The following ALOX15 variants were observed in gnomAD, a reference collection of about 807,000 sequenced individuals.
ALOX15 encodes the protein arachidonate 15-lipoxygenase.
A neutral mutation model predicts 71.7 loss-of-function variants in ALOX15; 68 were observed. The observed-to-expected ratio is 0.95, with a 90% CI of 0.78 to 1.16. The LOEUF is 1.16. Among genes scored for constraint, ALOX15 ranks in the 50% most tolerant of loss-of-function variants. ALOX15 has a pLI of 0.00. For missense variants in ALOX15, 798 were observed against 818.8 expected, an observed-to-expected ratio of 0.97 and a Z score of 0.31; for synonymous variants, 346 against 333.3, an observed-to-expected ratio of 1.04 and a Z score of -0.42.
At chr17:4,632,362 A>G (rs1910942495) in intron 11 of ALOX15, 81 bp from the exon 12 acceptor site, 3 of 1,125,260 alleles carry the variant, frequency 2.7e-6, no homozygotes, top group Non-Finnish European at 4.0e-6. Flanking sequence ...AGAGGAGAAC[A>G]AGGGCGAGAA....
At position 4,633,631 on chromosome 17, in the gene ALOX15, C is replaced by T. The variant is rs1597429953; in HGVS notation, c.1162-131G>A. Reference sequence around the variant, plus strand: ...ACAGACGTAAAGTTCAGTGGCCTCTCAACAGTGAGTTTTCAGAAGTACCAT... The same window carrying T: ...ACAGACGTAAAGTTCAGTGGCCTCTTAACAGTGAGTTTTCAGAAGTACCAT... On this transcript the variant is annotated intron_variant, in intron 8 of 13. Transcript: ENST00000293761. The T allele has an allele frequency of 1.2e-5, 8 of 694,300 alleles. No homozygotes were observed. In the East Asian group the frequency reaches 2.1e-4, roughly 18 times the overall value. The allele number at this position is 694,300 out of a possible 1,614,324, so 43.0% of individuals were successfully genotyped here.
Position 4,635,771 on chromosome 17 carries a change from A to T in ALOX15, c.1149T>A (p.His383Gln). 1 of 1,614,168 alleles carries T rather than the reference A, an allele frequency of 6.2e-7. No individual in the cohort carries two copies. Among genetic ancestry groups the T allele is most frequent in the Non-Finnish European group, 8.5e-7 (1 of 1,180,042 alleles). The change falls in exon 8 of 14, where the codon CAT (histidine) becomes CAA (glutamine). Residue 383 changes from histidine to glutamine, a missense_variant. His to Gln is a conservative substitution (Grantham distance 24, BLOSUM62 0). Coordinates refer to ENST00000293761, the MANE Select transcript of ALOX15 (RefSeq NM_001140.5). ...GATAAGGAGTTACCTTGAAGATAGGATGTATCGACGGCAGGCACCTCATGG... is the reference window on the plus strand; with the variant it reads ...GATAAGGAGTTACCTTGAAGATAGGTTGTATCGACGGCAGGCACCTCATGG... ...VATMRCLPSIHPIFKLIIPHL... is the reference protein window; with the variant it reads ...VATMRCLPSIQPIFKLIIPHL...
intron 8 of ALOX15, among the ~76,000 whole-genome samples, chr17:4,633,846 A>AG (rs1482200263): frequency 6.6e-6 from 1 of 152,256 alleles, no homozygotes; most frequent in Non-Finnish European, 1.5e-5. Context: ...AATACTATGC[A>AG]GCCATGAAGA....
intron 2 of ALOX15, 78 bp downstream of exon 2, chr17:4,639,352 C>T: frequency 6.4e-7 from 1 of 1,563,652 alleles, no homozygotes; most frequent in Non-Finnish European, 8.7e-7. Context: ...CCATCCTGCG[C>T]CCTCTTCTCC....
intron 11 of ALOX15, 117 bp downstream of exon 11, chr17:4,632,744 T>A: frequency 6.6e-7 from 1 of 1,511,090 alleles, no homozygotes; most frequent in South Asian, 1.2e-5. Context: ...TGAGAAGGCC[T>A]CTGGAGTTCT....
Position 4,637,287 on chromosome 17 carries a change from T to C in ALOX15, c.808-29A>G, listed in dbSNP as rs745662867. On this transcript the variant is annotated intron_variant, in intron 6 of 13. Transcript: ENST00000293761. ...GGTGGGGGAAGAGGTCAAGGGCTGC[T>C]ATCAACATAAAGCATCTTCTTCCTA... 15 of 1,588,944 alleles carry C rather than the reference T, an allele frequency of 9.4e-6. No individual in the cohort carries two copies. In the Admixed American group the frequency reaches 2.3e-4, roughly 24 times the overall value.
At chr17:4,631,844 C>T (rs1303759457) in intron 13 of ALOX15, 45 bp downstream of exon 13, 1 of 1,608,144 alleles carries the variant, frequency 6.2e-7, no homozygotes, top group African/African-American at 1.3e-5. Flanking sequence ...CCACACGTCC[C>T]CACAGCTGCC....
rs1454291546 is a variant in ALOX15, at chr17:4,641,547, G to A, written c.105C>T (p.Leu35=). The A allele has an allele frequency of 3.1e-6, 5 of 1,613,268 alleles. No individual in the cohort carries two copies. Among genetic ancestry groups the A allele is most frequent in the Non-Finnish European group, 4.2e-6 (5 of 1,179,958 alleles). The change falls in exon 1 of 14, where the codon CTC becomes CTT. Residue 35 remains leucine (L), a synonymous_variant. Coordinates refer to ENST00000293761, the MANE Select transcript of ALOX15 (RefSeq NM_001140.5). ...CCCGTGCGGGCCACAGTCGCTTCCC[G>A]AGCGCCGCCTCCCCGTGCTGGCCGA... ...WLVGQHGEAA[L]GKRLWPARGK...
intron 9 of ALOX15, 49 bp downstream of exon 9, chr17:4,633,365 C>A: frequency 6.2e-7 from 1 of 1,611,436 alleles, no homozygotes; most frequent in South Asian, 1.1e-5. Flanking sequence ...GCCCTGAATC[C>A]AGAGCTGGAA....
In ALOX15 at chr17:4,641,568, G is replaced by A. The variant is rs772006339; in HGVS notation, c.84C>T (p.Gly28=). The A allele has an allele frequency of 6.2e-7, 1 of 1,613,516 alleles. No homozygotes were observed. Among genetic ancestry groups the A allele is most frequent in the South Asian group, 1.1e-5 (1 of 91,086 alleles). ...SNNQVQLWLV[G]QHGEAALGKR... Reference sequence around the variant, plus strand: ...TCCCGAGCGCCGCCTCCCCGTGCTGGCCGACCAGCCACAGCTGCACCTGGT... The same window carrying A: ...TCCCGAGCGCCGCCTCCCCGTGCTGACCGACCAGCCACAGCTGCACCTGGT... The change falls in exon 1 of 14, where the codon GGC becomes GGT. Residue 28 remains glycine (G), a synonymous_variant. Coordinates refer to ENST00000293761, the MANE Select transcript of ALOX15 (RefSeq NM_001140.5).
At chr17:4,633,588 C>T (rs1910992070) in intron 8 of ALOX15, 88 bp from the exon 9 acceptor site, 1 of 1,127,042 alleles carries the variant, frequency 8.9e-7, no homozygotes, top group Non-Finnish European at 1.3e-6. Context: ...GGAAAGGCAC[C>T]AGGTCTTCAG....
rs780938433 is a variant in ALOX15 at position 4,632,943 on chromosome 17, G to A, written c.1458C>T (p.Asp486=). Residue 486 remains aspartate, a synonymous_variant, in exon 11 of 14, where the codon GAC becomes GAT. Coordinates refer to ENST00000293761, the MANE Select transcript of ALOX15 (RefSeq NM_001140.5). ...EGIVSLHYKT[D]VAVKDDPELQ... is the part of the protein sequence containing the mutation. ...GCTCTGGGTCGTCTTTCACAGCCAC[G>A]TCTGTCTTATAGTGGAGACTCACGA... 1.4e-5 allele frequency: 22 copies of A among 1,613,994 alleles called. No individual in the cohort carries two copies. Among genetic ancestry groups the A allele is most frequent in the African/African-American group, 5.3e-5 (4 of 74,896 alleles).
intron 1 of ALOX15, among the ~76,000 whole-genome samples, chr17:4,640,599 T>C (rs1303975832): frequency 1.5e-5 from 2 of 131,002 alleles, no homozygotes; most frequent in Non-Finnish European, 3.2e-5. Context: ...CCCCTCACCA[T>C]GGAGTCGCGG....
At position 4,633,604 on chromosome 17, in the gene ALOX15, GCA is replaced by G. The variant is rs1597429942; in HGVS notation, c.1162-106_1162-105del. 4.3e-5 allele frequency: 41 copies of G among 961,622 alleles called. No homozygotes were observed. In the East Asian group the frequency reaches 1.0e-3, roughly 24 times the overall value. 59.6% of individuals were successfully genotyped at this position (961,622 alleles called of 1,614,324 possible). On this transcript the variant is annotated intron_variant, in intron 8 of 13. Transcript: ENST00000293761. ...GAAAGGCACCAGGTCTTCAGAAAAAGCACAGACGTAAAGTTCAGTGGCCTCTC... is the reference window on the plus strand; with the variant it reads ...GAAAGGCACCAGGTCTTCAGAAAAAGCAGACGTAAAGTTCAGTGGCCTCTC...
At position 4,633,289 on chromosome 17, in the gene ALOX15, G is replaced by T; in HGVS notation, c.1275C>A (p.His425Gln). The change falls in exon 10 of 14, where the codon CAC becomes CAA. Residue 425 changes from histidine to glutamine, a missense_variant. His to Gln is a conservative substitution (Grantham distance 24). This residue lies in a region of ALOX15 where 490 missense variants were observed against 509.4 expected (regional missense o/e 0.96). Transcript: ENST00000293761. ...DQIMSTGGGG[H>Q]VQLLKQAGAF... ...CTCCAGCTTGCTTGAGCAGCTGCAC[G>T]TGGCCTCCCCCACCAGTGCTCATTA... 1.2e-6 allele frequency: 2 copies of T among 1,614,060 alleles called. No homozygotes were observed. The highest frequency in any genetic ancestry group is 1.7e-6 in the Non-Finnish European group (2 of 1,179,978).
rs1597431591 is a variant in ALOX15, at chr17:4,637,126, T to C, written c.940A>G (p.Met314Val). 8.7e-6 allele frequency: 14 copies of C among 1,612,196 alleles called. No homozygotes were observed. The highest frequency in any genetic ancestry group is 6.7e-5 in the African/African-American group (5 of 75,008). The change falls in exon 7 of 14, where the codon ATG (methionine) becomes GTG (valine). Residue 314 changes from methionine (M) to valine (V), a missense_variant. Physicochemically the swap from Met to Val is conservative, Grantham distance 21. Transcript: ENST00000293761. ...CTGAGTCCTCTCACCTGGATGACCATGGGCAAGAGTTTCCCATCAGGCTGC... is the reference window on the plus strand; with the variant it reads ...CTGAGTCCTCTCACCTGGATGACCACGGGCAAGAGTTTCCCATCAGGCTGC... ...KLQPDGKLLP[M>V]VIQLQLPRTG...
chr17:4,639,931 C>T, intron 1 of ALOX15: 1 of 289,190 alleles, frequency 3.5e-6, no homozygotes, highest in Non-Finnish European at 6.1e-6. Flanking sequence ...TGGACGAGCG[C>T]GCTGTGGAGC....
chr17:4,637,302 T>C (rs377109071), intron 6 of ALOX15, 44 bp from the exon 7 acceptor site: 47 of 1,568,220 alleles, frequency 3.0e-5, no homozygotes, highest in Middle Eastern at 1.7e-4. Flanking sequence ...ACATAAAGCA[T>C]CTTCTTCCTA....
rs537932020 is a variant in ALOX15 at position 4,636,056 on chromosome 17, C to T, written c.952-88G>A. On this transcript the variant is annotated intron_variant, in intron 7 of 13. Coordinates refer to ENST00000293761, the MANE Select transcript of ALOX15 (RefSeq NM_001140.5). ...CCCCTTGCATGTTAACCTCACCCTT[C>T]GTCCTCCAAACCTGTTCTGCTTTCC... 2.3e-5 allele frequency: 32 copies of T among 1,394,098 alleles called. No homozygotes were observed. In the South Asian group the frequency reaches 2.6e-4, roughly 11 times the overall value. 86.4% of individuals were successfully genotyped at this position (1,394,098 alleles called of 1,614,324 possible). A position where few individuals can be genotyped will look rare whatever the true frequency, so the allele number is the denominator to read the frequency against.
Sources: allele counts gnomAD v4.1 joint callset (sites outside exome capture counted in the v4.1 genomes callset), GRCh38; gene constraint gnomAD v4.1.1; regional missense constraint gnomAD v4.1.1; transcripts MANE v1.5; gene names NCBI Gene and HGNC (gene_info 2026-07-23, HGNC 2026-07-21).